Variants in MGST3 observed in about 807,000 individuals in gnomAD.
The protein encoded by MGST3 is glutathione S-transferase 3, mitochondrial.
In MGST3, 13 loss-of-function variants were observed where a neutral mutation model predicts 15.8. The observed-to-expected ratio is 0.82, with a 90% confidence interval of 0.54 to 1.31. The LOEUF is 1.31. Among genes scored for constraint, MGST3 ranks in the 50% most tolerant of loss-of-function variants. The probability of loss-of-function intolerance (pLI) is 0.00; values close to 1 mark genes in which losing one functional copy is unlikely to be tolerated. For missense variants in MGST3, 155 were observed against 192.4 expected (o/e 0.81, Z 1.15); for synonymous variants, 49 against 68.1 (o/e 0.72, Z 1.38).
At chr1:165,634,787 C>CCCTCCCTCCCTCTCCCTG (rs1553239144) in intron 1 of MGST3, among the ~76,000 whole-genome samples, 1 of 119,518 alleles carries the variant, frequency 8.4e-6, no homozygotes, top group Non-Finnish European at 1.8e-5. Context: ...CCCTCTCCCT[C>CCCTCCCTCCCTCTCCCTG]CCTCCCTCCC....
chr1:165,648,121 C>A (rs1009507633), intron 1 of MGST3, among the ~76,000 whole-genome samples: 5 of 152,226 alleles, frequency 3.3e-5, no homozygotes, highest in African/African-American at 1.2e-4. Context: ...TGACTTTCTA[C>A]ACTTGGGAAG....
rs1284779929 is a variant in MGST3 at position 165,631,527 on chromosome 1, C to T, written c.-8+234C>T. On this transcript the variant is annotated intron_variant, in intron 1 of 5. Coordinates refer to ENST00000367889, the MANE Select transcript of MGST3 (RefSeq NM_004528.4). ...GGGTTGGGAGCGTCTAAGCGAGGCC[C>T]GACCTATTTATGTGTAACTCAGGAA... Among the ~76,000 whole-genome samples the T allele has an allele frequency of 3.3e-5, 5 of 152,280 alleles. No individual in the cohort carries two copies. In the East Asian group the frequency reaches 9.7e-4, roughly 29 times the overall value.
intron 1 of MGST3, among the ~76,000 whole-genome samples, chr1:165,639,263 T>C (rs1005716303): frequency 6.6e-6 from 1 of 152,144 alleles, no homozygotes; most frequent in Non-Finnish European, 1.5e-5. Flanking sequence ...ATTTAACTTC[T>C]GAGTAAGGGA....
intron 1 of MGST3, among the ~76,000 whole-genome samples, chr1:165,635,528 T>G (rs928091555): frequency 6.6e-6 from 1 of 152,162 alleles, no homozygotes; most frequent in Non-Finnish European, 1.5e-5. Context: ...CACTGGAACT[T>G]GAGCATCCTG....
At chr1:165,638,909 C>T (rs901032023) in intron 1 of MGST3, among the ~76,000 whole-genome samples, 1 of 152,142 alleles carries the variant, frequency 6.6e-6, no homozygotes, top group Non-Finnish European at 1.5e-5. Flanking sequence ...AGACTGAATG[C>T]TTCCCCCTAA....
intron 4 of MGST3, 41 bp from the exon 5 acceptor site, chr1:165,654,238 G>A (rs373163410): frequency 2.5e-6 from 4 of 1,594,670 alleles, no homozygotes; most frequent in Non-Finnish European, 3.4e-6. Flanking sequence ...AGGTTTGCTT[G>A]TTTCTTTCAT....
chr1:165,638,442 C>T (rs559052498), intron 1 of MGST3, among the ~76,000 whole-genome samples: 1 of 152,138 alleles, frequency 6.6e-6, no homozygotes, highest in South Asian at 2.1e-4. Context: ...ACTTCCACTC[C>T]AGCCCGGATG....
chr1:165,648,646 G>T (rs1648474534), intron 1 of MGST3: 1 of 151,326 alleles, frequency 6.6e-6, no homozygotes, highest in African/African-American at 2.4e-5. Flanking sequence ...CGACAAGAGT[G>T]AAACTCCATC....
chr1:165,631,916 T>C (rs1246250865), intron 1 of MGST3: 1 of 289,724 alleles, frequency 3.5e-6, no homozygotes, highest in Non-Finnish European at 6.5e-6. Context: ...AAGAGACGCC[T>C]CTAGGCGGGT....
chr1:165,642,562 G>C (rs924558018), intron 1 of MGST3, among the ~76,000 whole-genome samples: 7 of 152,148 alleles, frequency 4.6e-5, no homozygotes, highest in African/African-American at 1.7e-4. Flanking sequence ...CGTTGAGTCA[G>C]GTCAAGGACA....
At chr1:165,654,475 G>A in intron 5 of MGST3, 124 bp downstream of exon 5, 1 of 849,294 alleles carries the variant, frequency 1.2e-6, no homozygotes, top group Non-Finnish European at 2.0e-6. Context: ...CAGATTGCTT[G>A]AGCTCAGGAG....
At chr1:165,645,057 G>A (rs9333451) in intron 1 of MGST3, among the ~76,000 whole-genome samples, 14,281 of 151,860 alleles carry the variant, frequency 0.094, 817 homozygotes, top group African/African-American at 0.14. Flanking sequence ...CACCATGCCC[G>A]GCCAAAAATT....
At chr1:165,649,697 C>T in intron 1 of MGST3, 144 bp from the exon 2 acceptor site, 1 of 950,824 alleles carries the variant, frequency 1.1e-6, no homozygotes, top group Non-Finnish European at 1.6e-6. Context: ...TTGATGACTT[C>T]TCAGAAACAT....
chr1:165,651,398 G>GAA (rs2101724004), intron 3 of MGST3: 1 of 430,408 alleles, frequency 2.3e-6, no homozygotes, highest in South Asian at 2.1e-5. Context: ...GGAGTGAAGA[G>GAA]GTTTTGAATG....
chr1:165,654,190 T>C (rs531393027), intron 4 of MGST3, 89 bp from the exon 5 acceptor site: 1 of 1,261,038 alleles, frequency 7.9e-7, no homozygotes, highest in Non-Finnish European at 1.2e-6. Flanking sequence ...GTTAACTTTT[T>C]GCTAACATAT....
intron 1 of MGST3, among the ~76,000 whole-genome samples, chr1:165,641,105 C>T (rs1648252348): frequency 6.6e-6 from 1 of 151,708 alleles, no homozygotes. Context: ...ATCACTTGAA[C>T]CCAGGGGGCG....
At chr1:165,639,333 T>G (rs187412055) in intron 1 of MGST3, among the ~76,000 whole-genome samples, 2 of 152,208 alleles carry the variant, frequency 1.3e-5, no homozygotes, top group Non-Finnish European at 2.9e-5. Flanking sequence ...CTGCCTGTAT[T>G]CAGACACCAG....
At chr1:165,649,237 C>T (rs1318903415) in intron 1 of MGST3, 1 of 155,322 alleles carries the variant, frequency 6.4e-6, no homozygotes, top group Non-Finnish European at 1.4e-5. Flanking sequence ...CGAAGGGAGG[C>T]CTCAGAGTCC....
intron 1 of MGST3, among the ~76,000 whole-genome samples, chr1:165,643,098 T>A (rs1571151149): frequency 6.6e-6 from 1 of 152,234 alleles, no homozygotes; most frequent in African/African-American, 2.4e-5. Context: ...ACTTTCTTAA[T>A]TTTTTTCTAT....
Sources: gnomAD v4.1 joint callset for allele counts (sites outside exome capture counted in the v4.1 genomes callset) on GRCh38, gnomAD v4.1.1 for gene constraint, MANE v1.5 for transcripts, NCBI Gene and HGNC (gene_info 2026-07-23, HGNC 2026-07-21) for gene names.